The following ARMC9 variants were observed in gnomAD, a reference collection of about 807,000 sequenced individuals.
ARMC9 encodes the protein lisH domain-containing protein ARMC9.
In ARMC9, 94 loss-of-function variants were observed where a neutral mutation model predicts 107.0. The observed-to-expected ratio is 0.88, with a 90% CI of 0.74 to 1.04. The LOEUF is 1.04. Among genes scored for constraint, ARMC9 ranks in the 50% least tolerant of loss-of-function variants. The pLI, the probability that ARMC9 is intolerant of heterozygous loss-of-function variation, is 0.00. For synonymous variants in ARMC9, 380 were observed against 396.9 expected (o/e 0.96, Z 0.51); for missense variants, 942 against 1,030.1 (o/e 0.91, Z 1.17).
At position 231,298,802 on chromosome 2, in the gene ARMC9, C is replaced by T. The variant is rs563340636; in HGVS notation, c.1773+2549C>T. 3.3e-5 allele frequency among the ~76,000 whole-genome samples: 5 copies of T among 152,252 alleles called. No individual in the cohort carries two copies. In the East Asian group the frequency reaches 9.7e-4, roughly 29 times the overall value. On this transcript the variant is annotated intron_variant, in intron 19 of 24. Coordinates refer to ENST00000611582, the MANE Select transcript of ARMC9 (RefSeq NM_001352754.2). ...ACAAAAATTAGCTGGTTCATGGTGG[C>T]GTGCGCCTGTAATCCCAGCTACTAG...
intron 19 of ARMC9, among the ~76,000 whole-genome samples, chr2:231,316,096 TTTA>T (rs1362115257): frequency 6.6e-6 from 1 of 152,152 alleles, no homozygotes; most frequent in Non-Finnish European, 1.5e-5. Flanking sequence ...TACATTTATG[TTTA>T]TTATCAACCC....
chr2:231,242,144 C>T (rs7584535), intron 9 of ARMC9, among the ~76,000 whole-genome samples: 65,400 of 151,214 alleles, frequency 0.43, 17,513 homozygotes, highest in African/African-American at 0.76. Context: ...AAAACAAGTT[C>T]AAATGCTTTT....
At chr2:231,370,202 A>G (rs896425274) in intron 24 of ARMC9, 77 bp downstream of exon 24, 2 of 1,410,890 alleles carry the variant, frequency 1.4e-6, no homozygotes, top group African/African-American at 2.9e-5. Context: ...TTGCTGCTAT[A>G]TTTGGCCCCG....
intron 17 of ARMC9, among the ~76,000 whole-genome samples, chr2:231,285,057 G>A (rs1414002715): frequency 6.6e-6 from 1 of 152,042 alleles, no homozygotes; most frequent in Non-Finnish European, 1.5e-5. Flanking sequence ...AATTAGCCGC[G>A]TGTGGTGGCA....
intron 9 of ARMC9, among the ~76,000 whole-genome samples, chr2:231,247,253 C>A (rs769957245): frequency 6.6e-6 from 1 of 152,178 alleles, no homozygotes; most frequent in African/African-American, 2.4e-5. Flanking sequence ...ACATGCCCAA[C>A]CTTTTGATTT....
chr2:231,344,051 T>C (rs541391713), intron 20 of ARMC9, among the ~76,000 whole-genome samples: 1 of 152,360 alleles, frequency 6.6e-6, no homozygotes, highest in South Asian at 2.1e-4. Context: ...GTTTTACTTA[T>C]TTACTCCCCT....
rs1369597665 is a variant in ARMC9, at chr2:231,273,056, G to A, written c.1312G>A (p.Ala438Thr). 1 of 1,613,762 alleles carries A rather than the reference G, an allele frequency of 6.2e-7. No individual in the cohort carries two copies. Among genetic ancestry groups the A allele is most frequent in the South Asian group, 1.1e-5 (1 of 91,056 alleles). ...CATCACCAGGGAGAATGTTCTTGGG[G>A]CCCTGCAGAAGTTCAGTCTCAGGTA... ...DIITRENVLGALQKFSLRRPL... is the reference protein window; with the variant it reads ...DIITRENVLGTLQKFSLRRPL... Residue 438 changes from alanine to threonine, a missense_variant, in exon 14 of 25, where the codon GCC (alanine) becomes ACC (threonine). Physicochemically the swap from Ala to Thr is moderately conservative, Grantham distance 58. Coordinates refer to ENST00000611582, the MANE Select transcript of ARMC9 (RefSeq NM_001352754.2).
intron 20 of ARMC9, among the ~76,000 whole-genome samples, chr2:231,344,461 G>A (rs1300513170): frequency 6.6e-6 from 1 of 152,086 alleles, no homozygotes; most frequent in East Asian, 1.9e-4. Context: ...TTCTTTGCCC[G>A]ATTATCAATT....
chr2:231,219,970 T>C (rs949599259), intron 5 of ARMC9, among the ~76,000 whole-genome samples: 1 of 152,144 alleles, frequency 6.6e-6, no homozygotes, highest in Non-Finnish European at 1.5e-5. Context: ...AGCTAGACTA[T>C]AGGCGTGCGC....
chr2:231,305,540 A>G (rs1027757680), intron 19 of ARMC9, among the ~76,000 whole-genome samples: 18 of 152,254 alleles, frequency 1.2e-4, no homozygotes, highest in African/African-American at 4.1e-4. Flanking sequence ...TTACAGCTTC[A>G]TCTTTAATTC....
At chr2:231,242,886 A>G (rs1235771322) in intron 9 of ARMC9, among the ~76,000 whole-genome samples, 1 of 152,162 alleles carries the variant, frequency 6.6e-6, no homozygotes, top group African/African-American at 2.4e-5. Context: ...CAAGGCAGGC[A>G]GATTGCTTGA....
intron 19 of ARMC9, among the ~76,000 whole-genome samples, chr2:231,305,693 A>G (rs143539193): frequency 5.7e-4 from 87 of 152,298 alleles, no homozygotes; most frequent in African/African-American, 1.9e-3. Flanking sequence ...CCTACCCTGC[A>G]AGGTTCTTTA....
In ARMC9 at chr2:231,371,584, C is replaced by T. The variant is rs2046021883; in HGVS notation, c.*49C>T. 1.6e-6 allele frequency: 2 copies of T among 1,232,324 alleles called. No individual in the cohort carries two copies. The highest frequency in any genetic ancestry group is 2.0e-6 in the Non-Finnish European group (2 of 986,304). 76.3% of individuals were successfully genotyped at this position (1,232,324 alleles called of 1,614,324 possible). On this transcript the variant is annotated 3_prime_UTR_variant, in exon 25 of 25. Transcript: ENST00000611582. Reference sequence around the variant, plus strand: ...ACGTTGCCGGAGGACCAGCCAGCTTCCCGCTCTCAGCTGGCAGCAGCTGCC... The same window carrying T: ...ACGTTGCCGGAGGACCAGCCAGCTTTCCGCTCTCAGCTGGCAGCAGCTGCC...
intron 17 of ARMC9, chr2:231,288,681 G>A (rs969251865): frequency 9.3e-5 from 44 of 471,038 alleles, no homozygotes; most frequent in Admixed American, 4.7e-4. Flanking sequence ...GAGTGACTGC[G>A]GTTGTGCCCA....
intron 7 of ARMC9, among the ~76,000 whole-genome samples, chr2:231,229,484 A>T (rs1036655627): frequency 2.0e-5 from 3 of 152,250 alleles, no homozygotes; most frequent in African/African-American, 7.2e-5. Flanking sequence ...GAATAAAAAC[A>T]GGTTGACAAT....
At chr2:231,315,505 C>T (rs994444166) in intron 19 of ARMC9, among the ~76,000 whole-genome samples, 2 of 152,174 alleles carry the variant, frequency 1.3e-5, no homozygotes, top group African/African-American at 4.8e-5. Context: ...TGCCACTGCA[C>T]TCCAGCCTGG....
At chr2:231,253,106 TTTTTTG>T (rs79818055) in intron 9 of ARMC9, among the ~76,000 whole-genome samples, 75 of 149,048 alleles carry the variant, frequency 5.0e-4, no homozygotes, top group South Asian at 2.8e-3. Context: ...ATTTTCATTG[TTTTTTG>T]TTTTTGTTTT....
chr2:231,220,580 G>A (rs183196063), intron 5 of ARMC9, among the ~76,000 whole-genome samples: 3 of 137,418 alleles, frequency 2.2e-5, no homozygotes, highest in Non-Finnish European at 3.1e-5. Flanking sequence ...TTGGGCAACA[G>A]AGCGAGACTC....
At chr2:231,219,992 T>G (rs1371149832) in intron 5 of ARMC9, among the ~76,000 whole-genome samples, 1 of 152,130 alleles carries the variant, frequency 6.6e-6, no homozygotes, top group Non-Finnish European at 1.5e-5. Context: ...ACCACCATTT[T>G]GACCATTTCT....
Sources: gnomAD v4.1 joint callset for allele counts (sites outside exome capture counted in the v4.1 genomes callset) on GRCh38, gnomAD v4.1.1 for gene constraint, MANE v1.5 for transcripts, NCBI Gene and HGNC (gene_info 2026-07-23, HGNC 2026-07-21) for gene names.